The following L3MBTL4 variants were observed in gnomAD, a reference collection of about 807,000 sequenced individuals.
L3MBTL4 encodes the protein L3MBTL histone methyl-lysine binding protein 4.
L3MBTL4 carries 70 observed loss-of-function variants against 84.5 expected under a neutral mutation model. The observed-to-expected ratio is 0.83, with a 90% CI of 0.68 to 1.01. The LOEUF (loss-of-function observed/expected upper bound fraction) is 1.01. L3MBTL4 is among the 50% of genes least tolerant of loss of function. The pLI, the probability that L3MBTL4 is intolerant of heterozygous loss-of-function variation, is 0.00. For missense variants in L3MBTL4, 715 were observed against 754.8 expected, an observed-to-expected ratio of 0.95 and a Z score of 0.62; for synonymous variants, 274 against 259.8, an observed-to-expected ratio of 1.05 and a Z score of -0.52.
intron 1 of L3MBTL4, among the ~76,000 whole-genome samples, chr18:6,411,846 T>G (rs1429163297): frequency 6.6e-6 from 1 of 152,200 alleles, no homozygotes; most frequent in Non-Finnish European, 1.5e-5. Context: ...GGTTTTCTGT[T>G]GTTTAAGGAT....
At chr18:6,014,514 G>A (rs1300213359) in intron 16 of L3MBTL4, among the ~76,000 whole-genome samples, 1 of 138,304 alleles carries the variant, frequency 7.2e-6, no homozygotes, top group African/African-American at 2.8e-5. Flanking sequence ...TGGCTGCAGG[G>A]TAAGTGAAGT....
At chr18:6,089,958 G>T (rs905714218) in intron 15 of L3MBTL4, among the ~76,000 whole-genome samples, 1 of 152,136 alleles carries the variant, frequency 6.6e-6, no homozygotes, top group African/African-American at 2.4e-5. Context: ...TGTCTGCTTT[G>T]CCTAAATTAC....
chr18:6,384,651 C>T (rs2054738631), intron 1 of L3MBTL4, among the ~76,000 whole-genome samples: 1 of 152,210 alleles, frequency 6.6e-6, no homozygotes, highest in Admixed American at 6.5e-5. Flanking sequence ...TAATTCCCCA[C>T]CCTGTTCTGA....
chr18:6,304,378 T>C (rs2050489084), intron 3 of L3MBTL4, among the ~76,000 whole-genome samples: 1 of 152,222 alleles, frequency 6.6e-6, no homozygotes, highest in East Asian at 1.9e-4. Context: ...CATCCAAAGT[T>C]ATCATGGATA....
chr18:5,997,202 A>T (rs1374147352), intron 16 of L3MBTL4, among the ~76,000 whole-genome samples: 1 of 150,782 alleles, frequency 6.6e-6, no homozygotes, highest in Non-Finnish European at 1.5e-5. Flanking sequence ...TGAAAGGAAA[A>T]TAAATCTCAG....
rs996570296 is a variant in L3MBTL4 at position 6,171,876 on chromosome 18, G to A, written c.1048C>T (p.Pro350Ser). ...WVEADSPDIHPIGWCDVTGHP... is the reference protein window; with the variant it reads ...WVEADSPDIHSIGWCDVTGHP... Reference sequence around the variant, plus strand: ...CCTGTGACATCACACCATCCGATCGGGTGGATATCAGGGCTGTCTGCCTCC... The same window carrying A: ...CCTGTGACATCACACCATCCGATCGAGTGGATATCAGGGCTGTCTGCCTCC... Residue 350 changes from proline to serine, a missense_variant, in exon 13 of 19, where the codon CCG (proline) becomes TCG (serine). Physicochemically the swap from Pro to Ser is moderately conservative, Grantham distance 74. Transcript: ENST00000317931. The A allele has an allele frequency of 1.0e-5, 16 of 1,555,632 alleles. No homozygotes were observed. Among genetic ancestry groups the A allele is most frequent in the African/African-American group, 2.7e-5 (2 of 73,510 alleles).
At chr18:6,005,528 T>C (rs528992483) in intron 16 of L3MBTL4, among the ~76,000 whole-genome samples, 239 of 152,316 alleles carry the variant, frequency 1.6e-3, no homozygotes, top group Non-Finnish European at 1.5e-3. Flanking sequence ...TCTGTGGTTC[T>C]CTTCCTTGTG....
At chr18:6,042,477 C>T (rs1453181868) in intron 16 of L3MBTL4, among the ~76,000 whole-genome samples, 1 of 152,168 alleles carries the variant, frequency 6.6e-6, no homozygotes, top group Non-Finnish European at 1.5e-5. Flanking sequence ...ACCTACCCCA[C>T]CCTCAATCAC....
Position 6,311,535 on chromosome 18 carries a change from C to T in L3MBTL4, c.72+19G>A, listed in dbSNP as rs62079193. 1,836 of 1,606,100 alleles carry T rather than the reference C, an allele frequency of 1.1e-3. 2 individuals carry two copies. The highest frequency in any genetic ancestry group is 1.4e-3 in the Non-Finnish European group (1,692 of 1,173,710). ...GCGATCACACACTGTGAGGAAGGGT[C>T]CAGGGATGGACATCTTACCAAGCGT... On this transcript the variant is annotated intron_variant, in intron 3 of 18. Coordinates refer to ENST00000317931, the MANE Select transcript of L3MBTL4 (RefSeq NM_001330559.2).
At chr18:6,406,608 T>C (rs1297523028) in intron 1 of L3MBTL4, among the ~76,000 whole-genome samples, 1 of 152,060 alleles carries the variant, frequency 6.6e-6, no homozygotes, top group Non-Finnish European at 1.5e-5. Flanking sequence ...CTGGAGATAG[T>C]TTTCGTTGTC....
At chr18:6,374,350 C>CTGG (rs2054280296) in intron 1 of L3MBTL4, 1 of 154,764 alleles carries the variant, frequency 6.5e-6, no homozygotes. Context: ...AGGACCAAGC[C>CTGG]TGGCACGCTA....
intron 16 of L3MBTL4, among the ~76,000 whole-genome samples, chr18:6,024,194 G>A (rs1238570960): frequency 6.6e-6 from 1 of 152,122 alleles, no homozygotes; most frequent in African/African-American, 2.4e-5. Flanking sequence ...TTCTTTGACA[G>A]CATTCTTTTG....
At chr18:6,258,428 T>C (rs1269646711) in intron 5 of L3MBTL4, among the ~76,000 whole-genome samples, 1 of 151,734 alleles carries the variant, frequency 6.6e-6, no homozygotes, top group Non-Finnish European at 1.5e-5. Context: ...TGGGCATGGA[T>C]GGGGAGAGGA....
At chr18:6,011,375 T>C (rs2054729357) in intron 16 of L3MBTL4, among the ~76,000 whole-genome samples, 1 of 152,092 alleles carries the variant, frequency 6.6e-6, no homozygotes, top group Non-Finnish European at 1.5e-5. Flanking sequence ...ATAATTATAG[T>C]ATTTGCTGGT....
At chr18:6,399,452 GA>G (rs11436148) in intron 1 of L3MBTL4, among the ~76,000 whole-genome samples, 1 of 150,244 alleles carries the variant, frequency 6.7e-6, no homozygotes, top group Non-Finnish European at 1.5e-5. Context: ...AAGAAAAAAA[GA>G]AAAAAAAAGG....
chr18:6,058,094 T>A (rs538779642), intron 16 of L3MBTL4, among the ~76,000 whole-genome samples: 14 of 152,336 alleles, frequency 9.2e-5, no homozygotes, highest in African/African-American at 3.4e-4. Context: ...CTGAAACAGA[T>A]TGTCCAATGA....
Position 6,412,085 on chromosome 18 carries a change from T to C in L3MBTL4, c.-91+2716A>G, listed in dbSNP as rs140461649. Among the ~76,000 whole-genome samples the C allele has an allele frequency of 3.3e-5, 5 of 152,276 alleles. No homozygotes were observed. The East Asian group carries it at 9.7e-4, about 29-fold the overall frequency. ...GGGGTTTGTTGTACAGATTATTTCA[T>C]CACCCAGGTATTAAGCCTAGTATCC... On this transcript the variant is annotated intron_variant, in intron 1 of 18. Coordinates refer to ENST00000317931, the MANE Select transcript of L3MBTL4 (RefSeq NM_001330559.2).
intron 3 of L3MBTL4, among the ~76,000 whole-genome samples, chr18:6,308,949 T>C (rs1304853497): frequency 6.6e-6 from 1 of 152,232 alleles, no homozygotes; most frequent in African/African-American, 2.4e-5. Context: ...TTTTACATTC[T>C]ATCTAGAAAT....
intron 1 of L3MBTL4, among the ~76,000 whole-genome samples, chr18:6,343,577 G>A (rs1261504203): frequency 1.3e-5 from 2 of 151,306 alleles, no homozygotes; most frequent in Non-Finnish European, 2.9e-5. Context: ...CAGGAGAATG[G>A]CGTGAACCCA....
Sources: allele counts gnomAD v4.1 joint callset (sites outside exome capture counted in the v4.1 genomes callset), GRCh38; gene constraint gnomAD v4.1.1; transcripts MANE v1.5; gene names NCBI Gene and HGNC (gene_info 2026-07-23, HGNC 2026-07-21).